The following NRXN3 variants were observed in gnomAD, a reference collection of about 807,000 sequenced individuals.
NRXN3 encodes the protein neurexin III.
A neutral mutation model predicts 137.6 loss-of-function variants in NRXN3; 32 were observed. The observed-to-expected ratio is 0.23, with a 90% confidence interval of 0.18 to 0.31. The LOEUF is 0.31. Among genes scored for constraint, NRXN3 ranks in the 10% least tolerant of loss-of-function variants. The pLI is 1.00. For missense variants in NRXN3, 1,574 were observed against 2,062.5 expected, an observed-to-expected ratio of 0.76 and a Z score of 4.59; for synonymous variants, 798 against 784.5, an observed-to-expected ratio of 1.02 and a Z score of -0.29.
intron 15 of NRXN3, among the ~76,000 whole-genome samples, chr14:79,313,861 C>G (rs1241318866): frequency 8.2e-6 from 1 of 122,028 alleles, no homozygotes; most frequent in African/African-American, 3.2e-5. Context: ...AAGTTTTCAA[C>G]TTCTTTGCCT....
intron 4 of NRXN3, among the ~76,000 whole-genome samples, chr14:78,631,214 T>C (rs980288353): frequency 6.6e-6 from 1 of 152,210 alleles, no homozygotes; most frequent in Non-Finnish European, 1.5e-5. Flanking sequence ...TGCAGATACC[T>C]ACATGGAGAT....
chr14:78,460,143 A>C (rs927442748), intron 4 of NRXN3, among the ~76,000 whole-genome samples: 1 of 152,236 alleles, frequency 6.6e-6, no homozygotes, highest in Non-Finnish European at 1.5e-5. Context: ...AAAGAGATGC[A>C]GAGTGGGAGG....
At chr14:78,236,767 G>C (rs1380409745) in intron 1 of NRXN3, among the ~76,000 whole-genome samples, 1 of 141,126 alleles carries the variant, frequency 7.1e-6, no homozygotes, top group Non-Finnish European at 1.5e-5. Flanking sequence ...AGACTCAAGA[G>C]AGTTGCCCAA....
intron 15 of NRXN3, among the ~76,000 whole-genome samples, chr14:79,111,564 C>CT (rs2053522449): frequency 6.6e-6 from 1 of 151,924 alleles, no homozygotes; most frequent in African/African-American, 2.4e-5. Flanking sequence ...CATGGTGAAA[C>CT]CCCATCTCTA....
At chr14:79,616,549 C>T (rs894379147) in intron 16 of NRXN3, among the ~76,000 whole-genome samples, 3 of 152,054 alleles carry the variant, frequency 2.0e-5, no homozygotes, top group Non-Finnish European at 4.4e-5. Context: ...AAAGAAACTA[C>T]CTATGGAGTG....
chr14:79,216,025 G>A (rs2068447745), intron 15 of NRXN3, among the ~76,000 whole-genome samples: 1 of 152,136 alleles, frequency 6.6e-6, no homozygotes, highest in Admixed American at 6.6e-5. Context: ...ATTTGGACAG[G>A]GCACAGTGAA....
intron 10 of NRXN3, among the ~76,000 whole-genome samples, chr14:78,943,600 A>T (rs1270197080): frequency 8.9e-6 from 1 of 112,938 alleles, no homozygotes; most frequent in Non-Finnish European, 1.8e-5. Context: ...AAAAGAAGCA[A>T]GATCACTGTT....
intron 15 of NRXN3, among the ~76,000 whole-genome samples, chr14:79,308,298 T>C (rs2153227870): frequency 6.6e-6 from 1 of 152,280 alleles, no homozygotes; most frequent in Non-Finnish European, 1.5e-5. Context: ...CTTATGTCAT[T>C]TCTCCATTCT....
intron 5 of NRXN3, among the ~76,000 whole-genome samples, chr14:78,646,616 T>C (rs1455766738): frequency 6.6e-6 from 1 of 152,210 alleles, no homozygotes; most frequent in Non-Finnish European, 1.5e-5. Flanking sequence ...TGGCACACAT[T>C]TGAAACACAT....
chr14:78,966,205 T>C lies in NRXN3; in HGVS notation c.2576T>C (p.Leu859Pro). ...CKNGDIDYCE[L>P]KARFGLRNII... ...AATGGTGACATTGATTATTGTGAGC[T>C]GAAGGCTCGTTTTGGACTGAGGAAC... is the stretch of plus-strand genomic sequence containing the variant. Residue 859 changes from leucine to proline, a missense_variant, in exon 12 of 21, where the codon CTG becomes CCG. Physicochemically the swap from Leu to Pro is moderately conservative, Grantham distance 98. Around this residue, in one of 5 missense-constraint regions of NRXN3, gnomAD observed 718 missense variants for 887.6 expected, o/e 0.81. Coordinates refer to ENST00000335750, the MANE Select transcript of NRXN3 (RefSeq NM_001330195.2). 1 of 1,614,222 alleles carries C rather than the reference T, an allele frequency of 6.2e-7. No homozygotes were observed. The highest frequency in any genetic ancestry group is 8.5e-7 in the Non-Finnish European group (1 of 1,180,030).
At chr14:78,671,652 C>T (rs375328052) in intron 6 of NRXN3, among the ~76,000 whole-genome samples, 5 of 151,856 alleles carry the variant, frequency 3.3e-5, no homozygotes, top group Admixed American at 1.3e-4. Flanking sequence ...TTTAAAAATA[C>T]GTTTATGCAT....
chr14:79,014,118 T>A (rs544470456), intron 15 of NRXN3, among the ~76,000 whole-genome samples: 2 of 152,232 alleles, frequency 1.3e-5, no homozygotes, highest in Admixed American at 1.3e-4. Context: ...TTTTTAAACT[T>A]TTATTTTAGG....
chr14:79,515,527 C>T (rs1284912670), intron 16 of NRXN3, among the ~76,000 whole-genome samples: 1 of 150,132 alleles, frequency 6.7e-6, no homozygotes, highest in African/African-American at 2.5e-5. Flanking sequence ...AGGAAGATGG[C>T]ACATCACAGT....
intron 16 of NRXN3, among the ~76,000 whole-genome samples, chr14:79,634,826 T>A (rs1259575811): frequency 6.6e-6 from 1 of 152,160 alleles, no homozygotes; most frequent in Non-Finnish European, 1.5e-5. Flanking sequence ...CGCCACCACG[T>A]CTAGCCTCGC....
intron 15 of NRXN3, among the ~76,000 whole-genome samples, chr14:79,436,283 G>T (rs1016971025): frequency 6.6e-6 from 1 of 152,120 alleles, no homozygotes; most frequent in African/African-American, 2.4e-5. Flanking sequence ...AATAGTAGTA[G>T]TTATTCTTCT....
At chr14:79,150,229 A>G (rs778287288) in intron 15 of NRXN3, among the ~76,000 whole-genome samples, 3 of 152,028 alleles carry the variant, frequency 2.0e-5, no homozygotes, top group Admixed American at 2.0e-4. Flanking sequence ...CTATTGCCAG[A>G]TGGGGGAGAT....
At chr14:79,069,730 A>G (rs180884590) in intron 15 of NRXN3, among the ~76,000 whole-genome samples, 2 of 152,232 alleles carry the variant, frequency 1.3e-5, no homozygotes, top group African/African-American at 4.8e-5. Context: ...ATTGTGACAC[A>G]CTGTGATCAT....
chr14:78,820,366 C>T (rs1190746233), intron 10 of NRXN3, among the ~76,000 whole-genome samples: 1 of 143,028 alleles, frequency 7.0e-6, no homozygotes, highest in Non-Finnish European at 1.5e-5. Context: ...CAAAGCATCT[C>T]AGGAAACACA....
chr14:79,284,965 C>T (rs1346887953), intron 15 of NRXN3, among the ~76,000 whole-genome samples: 1 of 152,078 alleles, frequency 6.6e-6, no homozygotes, highest in Non-Finnish European at 1.5e-5. Flanking sequence ...TTGGTTTCTC[C>T]ATCTTTGGCT....
Sources: gnomAD v4.1 joint callset for allele counts (sites outside exome capture counted in the v4.1 genomes callset) on GRCh38, gnomAD v4.1.1 for gene constraint, gnomAD v4.1.1 regional missense constraint, MANE v1.5 for transcripts, NCBI Gene and HGNC (gene_info 2026-07-23, HGNC 2026-07-21) for gene names.